The following FAM91A1 variants were observed in gnomAD, a reference collection of about 807,000 sequenced individuals.
The protein encoded by FAM91A1 is protein FAM91A1.
A neutral mutation model predicts 113.5 loss-of-function variants in FAM91A1; 41 were observed. The ratio of observed to expected loss-of-function variants is 0.36; its 90% confidence interval spans 0.28 to 0.47. The LOEUF is 0.47. Ranked by LOEUF, FAM91A1 falls within the 20% of genes least tolerant of loss-of-function variation. FAM91A1 has a pLI of 1.00. For missense variants in FAM91A1, 696 were observed against 1,001.2 expected (o/e 0.70, Z 4.11); for synonymous variants, 307 against 347.9 (o/e 0.88, Z 1.31).
At chr8:123,797,559 A>G (rs988154327) in intron 15 of FAM91A1, among the ~76,000 whole-genome samples, 1 of 152,184 alleles carries the variant, frequency 6.6e-6, no homozygotes, top group African/African-American at 2.4e-5. Flanking sequence ...CTTAATAGTA[A>G]TATATTTTTT....
At chr8:123,771,066 C>G (rs193189991) in intron 1 of FAM91A1, among the ~76,000 whole-genome samples, 2 of 152,320 alleles carry the variant, frequency 1.3e-5, no homozygotes, top group Admixed American at 1.3e-4. Flanking sequence ...CTGCTGGTCT[C>G]CTTTATATTG....
rs1317280008 is a variant in FAM91A1 at position 123,815,219 on chromosome 8, C to T, written c.*2515C>T. The T allele has an allele frequency of 6.6e-6, 1 of 151,602 alleles. No homozygotes were observed. Among genetic ancestry groups the T allele is most frequent in the Non-Finnish European group, 1.5e-5 (1 of 67,748 alleles). 9.4% of individuals were successfully genotyped at this position (151,602 alleles called of 1,614,324 possible). ...GGGAGCGGAATATTGGTTTCTTTTA[C>T]TTGTTGTTTTCAGTTTTCTCTGCCA... is the stretch of plus-strand genomic sequence containing the variant. On this transcript the variant is annotated 3_prime_UTR_variant, in exon 24 of 24. Coordinates refer to ENST00000334705, the MANE Select transcript of FAM91A1 (RefSeq NM_144963.4).
chr8:123,810,150 T>C (rs1815915769), intron 22 of FAM91A1, 132 bp from the exon 23 acceptor site: 1 of 786,370 alleles, frequency 1.3e-6, no homozygotes, highest in African/African-American at 1.8e-5. Flanking sequence ...ACACTGAAAT[T>C]GTTTTTTAAG....
At position 123,812,898 on chromosome 8, in the gene FAM91A1, T is replaced by A; in HGVS notation, c.*194T>A. On this transcript the variant is annotated 3_prime_UTR_variant, in exon 24 of 24. Transcript: ENST00000334705. ...GCACATCTTATTGCGACAAAGTGCT[T>A]TTTAGCAGCCAGCACTGTATTTTTT... 2 of 484,908 alleles carry A rather than the reference T, an allele frequency of 4.1e-6. No individual in the cohort carries two copies. Among genetic ancestry groups the A allele is most frequent in the Non-Finnish European group, 7.2e-6 (2 of 278,782 alleles). 30.0% of individuals were successfully genotyped at this position (484,908 alleles called of 1,614,324 possible). A position where few individuals can be genotyped will look rare whatever the true frequency, so the allele number is the denominator to read the frequency against.
rs76940713 is a variant in FAM91A1, at chr8:123,797,244, C to T, written c.1412-846C>T. 6.5e-3 allele frequency among the ~76,000 whole-genome samples: 991 copies of T among 152,250 alleles called. 8 individuals are homozygous for T. The highest frequency in any genetic ancestry group is 0.01 in the Non-Finnish European group (701 of 68,022). On this transcript the variant is annotated intron_variant, in intron 15 of 23. Coordinates refer to ENST00000334705, the MANE Select transcript of FAM91A1 (RefSeq NM_144963.4). ...GCAGGATTCTGATTATTCAAGACTG[C>T]TTTTGACTTATGTGCACTCTTCTAT...
chr8:123,796,549 TC>T (rs1471990214), intron 15 of FAM91A1, among the ~76,000 whole-genome samples: 2 of 147,994 alleles, frequency 1.4e-5, no homozygotes, highest in Non-Finnish European at 3.0e-5. Flanking sequence ...GACCTCCGCC[TC>T]CCGGGTCAAC....
At chr8:123,810,474 C>T in intron 23 of FAM91A1, 123 bp downstream of exon 23, 1 of 942,958 alleles carries the variant, frequency 1.1e-6, no homozygotes, top group Non-Finnish European at 1.7e-6. Flanking sequence ...TTTTATTGTA[C>T]AAATGAAGAC....
chr8:123,782,946 A>G (rs11986791), intron 8 of FAM91A1, among the ~76,000 whole-genome samples: 43,265 of 152,008 alleles, frequency 0.28, 8,142 homozygotes, highest in African/African-American at 0.53. Flanking sequence ...AAGGTATGAG[A>G]ATTGCTTGAG....
chr8:123,785,154 G>T, intron 10 of FAM91A1, 35 bp downstream of exon 10: 1 of 1,520,372 alleles, frequency 6.6e-7, no homozygotes. Context: ...CTGGTGATGT[G>T]ATAACTGAGT....
intron 4 of FAM91A1, among the ~76,000 whole-genome samples, 154 bp downstream of exon 4, chr8:123,777,476 A>G (rs1452845482): frequency 6.6e-6 from 1 of 152,226 alleles, no homozygotes; most frequent in Non-Finnish European, 1.5e-5. Context: ...ATCAGATGAT[A>G]CCAGATGCAT....
At position 123,815,092 on chromosome 8, in the gene FAM91A1, A is replaced by G. The variant is rs1816043087; in HGVS notation, c.*2388A>G. On this transcript the variant is annotated 3_prime_UTR_variant, in exon 24 of 24. Coordinates refer to ENST00000334705, the MANE Select transcript of FAM91A1 (RefSeq NM_144963.4). ...ATATTGATACAATTTCACCTCTAAA[A>G]TGGATTTGAAGAAATGCAACTTTAT... 1 of 152,604 alleles carries G rather than the reference A, an allele frequency of 6.6e-6. No homozygotes were observed. Among genetic ancestry groups the G allele is most frequent in the Non-Finnish European group, 1.5e-5 (1 of 68,022 alleles). The allele number at this position is 152,604 out of a possible 1,614,324, so 9.5% of individuals were successfully genotyped here.
At chr8:123,788,145 T>C in intron 14 of FAM91A1, 1 of 949,880 alleles carries the variant, frequency 1.1e-6, no homozygotes. Flanking sequence ...TTACCTTGAA[T>C]CTGGAACAAT....
intron 8 of FAM91A1, among the ~76,000 whole-genome samples, chr8:123,782,178 C>T (rs1370828117): frequency 1.3e-5 from 2 of 152,164 alleles, no homozygotes; most frequent in Non-Finnish European, 2.9e-5. Context: ...TGGATGGCTG[C>T]CCCATTACAT....
chr8:123,801,679 G>A (rs967860342), intron 18 of FAM91A1, among the ~76,000 whole-genome samples: 3 of 152,164 alleles, frequency 2.0e-5, no homozygotes, highest in Non-Finnish European at 4.4e-5. Context: ...TCCAGCCTTG[G>A]GGCAAGGAGA....
intron 23 of FAM91A1, chr8:123,811,512 T>C (rs1815954120): frequency 6.6e-6 from 1 of 152,166 alleles, no homozygotes; most frequent in Admixed American, 6.5e-5. Flanking sequence ...TAAACTAATT[T>C]GGGATATATT....
intron 21 of FAM91A1, 151 bp from the exon 22 acceptor site, chr8:123,808,742 T>C: frequency 1.4e-6 from 1 of 702,560 alleles, no homozygotes; most frequent in Non-Finnish European, 2.2e-6. Context: ...CCCCCTTCAA[T>C]TTCTTCCTCC....
chr8:123,806,901 CTT>C (rs111568076), intron 20 of FAM91A1, among the ~76,000 whole-genome samples: 6 of 146,444 alleles, frequency 4.1e-5, no homozygotes, highest in African/African-American at 9.9e-5. Context: ...ATATCACTTA[CTT>C]TTTTTTTTTT....
At chr8:123,809,040 T>C in intron 22 of FAM91A1, 24 bp downstream of exon 22, 7 of 1,605,080 alleles carry the variant, frequency 4.4e-6, no homozygotes, top group Non-Finnish European at 5.1e-6. Context: ...TTCGCTGTCA[T>C]ATTTTCATAT....
chr8:123,786,303 A>T (rs186508905), intron 11 of FAM91A1, among the ~76,000 whole-genome samples, 192 bp from the exon 12 acceptor site: 1 of 152,214 alleles, frequency 6.6e-6, no homozygotes, highest in Admixed American at 6.5e-5. Context: ...TCTGAAGCCT[A>T]TCCGTGGATC....
Sources: allele counts gnomAD v4.1 joint callset (sites outside exome capture counted in the v4.1 genomes callset), GRCh38; gene constraint gnomAD v4.1.1; transcripts MANE v1.5; gene names NCBI Gene and HGNC (gene_info 2026-07-23, HGNC 2026-07-21).